The following CTNNA2 variants were observed in gnomAD, a reference collection of about 807,000 sequenced individuals.
CTNNA2 encodes the protein catenin alpha-2.
A neutral mutation model predicts 101.0 loss-of-function variants in CTNNA2; 42 were observed. The observed-to-expected ratio is 0.42, with a 90% CI of 0.32 to 0.54. CTNNA2 has a LOEUF of 0.54. Among genes scored for constraint, CTNNA2 ranks in the 20% least tolerant of loss-of-function variants. The probability of loss-of-function intolerance (pLI) is 0.14; values close to 1 mark genes in which losing one functional copy is unlikely to be tolerated. For synonymous variants in CTNNA2, 450 were observed against 456.4 expected (o/e 0.99, Z 0.18); for missense variants, 871 against 1,223.1 (o/e 0.71, Z 4.29).
intron 2 of CTNNA2, among the ~76,000 whole-genome samples, chr2:79,707,975 A>G (rs1685494798): frequency 6.6e-6 from 1 of 152,196 alleles, no homozygotes; most frequent in African/African-American, 2.4e-5. Context: ...ATTAATATTC[A>G]ACAAGGATTT....
At chr2:80,492,746 G>C (rs991220922) in intron 9 of CTNNA2, among the ~76,000 whole-genome samples, 1 of 152,128 alleles carries the variant, frequency 6.6e-6, no homozygotes, top group African/African-American at 2.4e-5. Flanking sequence ...GGCACATGCT[G>C]TTTCCTCTGG....
chr2:80,415,604 G>C (rs1679966879), intron 8 of CTNNA2, among the ~76,000 whole-genome samples: 1 of 152,130 alleles, frequency 6.6e-6, no homozygotes, highest in Non-Finnish European at 1.5e-5. Context: ...TTTGAACGTT[G>C]TTTGTGGGAA....
chr2:79,346,362 AC>A lies in CTNNA2; in HGVS notation c.-317-27468del, dbSNP rs1243378228. Among the ~76,000 whole-genome samples, 4 of 152,176 alleles carry A rather than the reference AC, an allele frequency of 2.6e-5. No individual in the cohort carries two copies. In the East Asian group the frequency reaches 7.7e-4, roughly 29 times the overall value. On this transcript the variant is annotated intron_variant, in intron 3 of 21. Coordinates refer to the CTNNA2 transcript ENST00000466387. ...TTTTGTCCTCATTTTTCTGAACCTA[AC>A]TCTTCAGCTATTCATTCTTGACCTA...
Position 80,303,767 on chromosome 2 carries a change from G to T in CTNNA2, c.1057-89444G>T. 1 of 1,570,216 alleles carries T rather than the reference G, an allele frequency of 6.4e-7. No individual in the cohort carries two copies. The highest frequency in any genetic ancestry group is 8.6e-7 in the Non-Finnish European group (1 of 1,159,332). On this transcript the variant is annotated intron_variant, in intron 7 of 18. Coordinates refer to ENST00000402739, the MANE Select transcript of CTNNA2 (RefSeq NM_001282597.3). This position sits in a 1 kb window ranked among gnomAD's most constrained non-coding sequence, Gnocchi z 7.7. ...CCCCAGCAGACACAAGACCACCCCC[G>T]AGGGCCTCCTCAGCAGCCAGTATAG...
At chr2:80,193,315 G>A (rs1488718221) in intron 7 of CTNNA2, among the ~76,000 whole-genome samples, 2 of 152,110 alleles carry the variant, frequency 1.3e-5, no homozygotes, top group African/African-American at 2.4e-5. Context: ...GCATAGTCTT[G>A]GGTTAGTGAA....
intron 3 of CTNNA2, among the ~76,000 whole-genome samples, chr2:79,340,454 G>A (rs1203655671): frequency 6.6e-6 from 1 of 152,134 alleles, no homozygotes; most frequent in Non-Finnish European, 1.5e-5. Flanking sequence ...ATACCAAGAA[G>A]CAATGACAGT....
At chr2:79,512,330 T>G (rs1157376574), upstream of CTNNA2, among the ~76,000 whole-genome samples, 4 of 152,176 alleles carry the variant, frequency 2.6e-5, no homozygotes, top group Non-Finnish European at 5.9e-5. Flanking sequence ...GGAGAAAATA[T>G]TCAACAAAGG....
chr2:79,788,814 C>A (rs1004551200), intron 3 of CTNNA2, among the ~76,000 whole-genome samples: 1 of 152,136 alleles, frequency 6.6e-6, no homozygotes, highest in Non-Finnish European at 1.5e-5. Flanking sequence ...CAGGCTCAAG[C>A]TCATTTTATA....
At chr2:80,067,146 A>C (rs2148769948) in intron 7 of CTNNA2, among the ~76,000 whole-genome samples, 1 of 151,740 alleles carries the variant, frequency 6.6e-6, no homozygotes. Flanking sequence ...AGGAGGAATA[A>C]GTTCAAGAGA....
At position 80,018,375 on chromosome 2, in the gene CTNNA2, C is replaced by T. The variant is rs140282315; in HGVS notation, c.1056+108578C>T. On this transcript the variant is annotated intron_variant, in intron 7 of 18. Transcript: ENST00000402739. Reference sequence around the variant, plus strand: ...ACTCATCGTTTGCTGGAAACGGCTCCCTTTAGATCAGGAAGGTTGATTTTG... The same window carrying T: ...ACTCATCGTTTGCTGGAAACGGCTCTCTTTAGATCAGGAAGGTTGATTTTG... Among the ~76,000 whole-genome samples, 13 of 152,252 alleles carry T rather than the reference C, an allele frequency of 8.5e-5. 1 individual carries two copies. In the East Asian group the frequency reaches 1.7e-3, roughly 20 times the overall value.
chr2:80,332,128 T>C (rs141394603), intron 7 of CTNNA2, among the ~76,000 whole-genome samples: 1 of 152,300 alleles, frequency 6.6e-6, no homozygotes, highest in Non-Finnish European at 1.5e-5. Flanking sequence ...ACTGTCCTTC[T>C]CACTTACATG....
chr2:80,376,800 C>A (rs1471581013), intron 7 of CTNNA2, among the ~76,000 whole-genome samples: 1 of 152,176 alleles, frequency 6.6e-6, no homozygotes, highest in African/African-American at 2.4e-5. Flanking sequence ...AAGGCCATCC[C>A]TTCCTTGATA....
intron 2 of CTNNA2, among the ~76,000 whole-genome samples, chr2:79,730,880 G>A (rs1252115004): frequency 6.6e-6 from 1 of 151,454 alleles, no homozygotes; most frequent in African/African-American, 2.4e-5. Context: ...CAAATTTAGT[G>A]GTTACTACAA....
At chr2:80,542,872 A>T (rs2149623632) in intron 9 of CTNNA2, among the ~76,000 whole-genome samples, 1 of 107,546 alleles carries the variant, frequency 9.3e-6, no homozygotes, top group African/African-American at 3.9e-5. Context: ...CACTATCCTG[A>T]TTTTTTCCCC....
intron 6 of CTNNA2, among the ~76,000 whole-genome samples, chr2:79,892,115 T>C (rs889834222): frequency 1.3e-5 from 2 of 152,150 alleles, no homozygotes; most frequent in Non-Finnish European, 2.9e-5. Context: ...TAACTATTTT[T>C]AAGTAGATAA....
chr2:79,934,815 G>A (rs1687672349), intron 7 of CTNNA2, among the ~76,000 whole-genome samples: 1 of 152,198 alleles, frequency 6.6e-6, no homozygotes, highest in African/African-American at 2.4e-5. Flanking sequence ...CCTATTTTAT[G>A]TTACAAATGT....
chr2:79,446,239 A>G (rs558619155), intron 4 of CTNNA2, among the ~76,000 whole-genome samples: 38 of 152,208 alleles, frequency 2.5e-4, no homozygotes, highest in Admixed American at 7.9e-4. Context: ...AAGAAAAAAA[A>G]AAGAACTATT....
intron 3 of CTNNA2, among the ~76,000 whole-genome samples, chr2:79,821,672 T>C (rs747086400): frequency 6.6e-6 from 1 of 152,210 alleles, no homozygotes; most frequent in African/African-American, 2.4e-5. Flanking sequence ...AAGAGAGGAA[T>C]ACATGTAACT....
chr2:79,346,857 G>A (rs1677275441), intron 3 of CTNNA2, among the ~76,000 whole-genome samples: 1 of 152,130 alleles, frequency 6.6e-6, no homozygotes. Flanking sequence ...CCCCAAATTT[G>A]CATAAAGTCC....
Sources: gnomAD v4.1 joint callset for allele counts (sites outside exome capture counted in the v4.1 genomes callset) on GRCh38, gnomAD v4.1.1 for gene constraint, Gnocchi (gnomAD v3.1) non-coding constraint, MANE v1.5 for transcripts, NCBI Gene and HGNC (gene_info 2026-07-23, HGNC 2026-07-21) for gene names.